Variants in ADCY5 observed in about 807,000 individuals in gnomAD.
ADCY5 encodes the protein adenylate cyclase type 5.
ADCY5 carries 30 observed loss-of-function variants against 119.7 expected under a neutral mutation model. That is an observed-to-expected ratio of 0.25 (90% CI 0.19 to 0.34). The LOEUF (loss-of-function observed/expected upper bound fraction) is 0.34. Among genes scored for constraint, ADCY5 ranks in the 10% least tolerant of loss-of-function variants. The pLI, the probability that ADCY5 is intolerant of heterozygous loss-of-function variation, is 1.00. For missense variants in ADCY5, 1,324 were observed against 1,775.2 expected (o/e 0.75, Z 4.57); for synonymous variants, 753 against 762.2 (o/e 0.99, Z 0.20).
Position 123,328,765 on chromosome 3 carries a change from G to T in ADCY5, c.1684C>A (p.Arg562Ser). 1 of 1,614,232 alleles carries T rather than the reference G, an allele frequency of 6.2e-7. No individual in the cohort carries two copies. The highest frequency in any genetic ancestry group is 8.5e-7 in the Non-Finnish European group (1 of 1,180,042). Reference protein sequence around the residue: ...REVTGVNVNMRVGIHSGRVHC... With the variant: ...REVTGVNVNMSVGIHSGRVHC... ...ACTCGCCCGCTGTGAATTCCCACACGCATGTTCACGTTCACCCCTGTCACC... is the reference window on the plus strand; with the variant it reads ...ACTCGCCCGCTGTGAATTCCCACACTCATGTTCACGTTCACCCCTGTCACC... The change falls in exon 6 of 21, where the codon CGT (arginine) becomes AGT (serine). Residue 562 changes from arginine (R) to serine (S), a missense_variant. Transcript: ENST00000462833.
intron 1 of ADCY5, among the ~76,000 whole-genome samples, chr3:123,421,862 T>C (rs1945310293): frequency 6.6e-6 from 1 of 152,158 alleles, no homozygotes; most frequent in African/African-American, 2.4e-5. Flanking sequence ...ATGAAAAGCC[T>C]GAAACTCACT....
intron 2 of ADCY5, among the ~76,000 whole-genome samples, chr3:123,351,159 G>A (rs1052929098): frequency 9.9e-5 from 15 of 152,118 alleles, no homozygotes; most frequent in Admixed American, 5.9e-4. Flanking sequence ...CCGAGGCAGC[G>A]CTGGAAGGGA....
intron 1 of ADCY5, among the ~76,000 whole-genome samples, chr3:123,398,517 G>A (rs1944666724): frequency 6.6e-6 from 1 of 152,138 alleles, no homozygotes; most frequent in African/African-American, 2.4e-5. Context: ...AGCACGCAGG[G>A]CCACTACCAC....
At chr3:123,388,841 G>T (rs985456478) in intron 1 of ADCY5, among the ~76,000 whole-genome samples, 1 of 152,174 alleles carries the variant, frequency 6.6e-6, no homozygotes, top group African/African-American at 2.4e-5. Flanking sequence ...AGATTGGGGA[G>T]GCACATACGC....
rs73858706 is a variant in ADCY5 at position 123,316,545 on chromosome 3, G to A, written c.2354+1475C>T. Among the ~76,000 whole-genome samples the A allele has an allele frequency of 4.8e-3, 736 of 152,282 alleles. 5 individuals carry two copies. The highest frequency in any genetic ancestry group is 0.016 in the African/African-American group (677 of 41,548). Reference sequence around the variant, plus strand: ...ATGCAGGATGCACAGAATCCCTCTCGGCTACTTTTGTAACTGCTCAAATAC... The same window carrying A: ...ATGCAGGATGCACAGAATCCCTCTCAGCTACTTTTGTAACTGCTCAAATAC... On this transcript the variant is annotated intron_variant, in intron 11 of 20. Transcript: ENST00000462833.
chr3:123,298,830 C>CTTTTTTTTTTTT (rs35856404), intron 15 of ADCY5, among the ~76,000 whole-genome samples: 18 of 102,530 alleles, frequency 1.8e-4, no homozygotes, highest in African/African-American at 4.6e-4. Context: ...AAAACTGTCA[C>CTTTTTTTTTTTT]TTTTTTTTTT....
chr3:123,357,358 G>A (rs1943076751), intron 1 of ADCY5, among the ~76,000 whole-genome samples: 1 of 152,078 alleles, frequency 6.6e-6, no homozygotes, highest in East Asian at 1.9e-4. Context: ...AGAGGCCAGA[G>A]TCTATTTGGA....
chr3:123,422,561 C>T (rs1054183037), intron 1 of ADCY5, among the ~76,000 whole-genome samples: 1 of 152,134 alleles, frequency 6.6e-6, no homozygotes, highest in Admixed American at 6.5e-5. Flanking sequence ...ACTGGAATGC[C>T]CCGGCACCTA....
At chr3:123,430,266 A>G (rs1945496061) in intron 1 of ADCY5, among the ~76,000 whole-genome samples, 1 of 152,206 alleles carries the variant, frequency 6.6e-6, no homozygotes, top group South Asian at 2.1e-4. Context: ...TGTGGGGAAT[A>G]CAGGCCGGAC....
intron 1 of ADCY5, among the ~76,000 whole-genome samples, chr3:123,379,683 G>T (rs945618372): frequency 1.3e-5 from 2 of 151,896 alleles, no homozygotes; most frequent in Non-Finnish European, 2.9e-5. Flanking sequence ...GCGGGGGTGG[G>T]TGTGTGGGTG....
At chr3:123,348,590 G>A (rs1040967231) in intron 2 of ADCY5, among the ~76,000 whole-genome samples, 4 of 152,156 alleles carry the variant, frequency 2.6e-5, no homozygotes, top group Non-Finnish European at 5.9e-5. Context: ...GGGGGACAGT[G>A]GCCCAGGAGA....
intron 1 of ADCY5, among the ~76,000 whole-genome samples, chr3:123,355,651 A>C (rs79729840): frequency 1.3e-5 from 2 of 151,646 alleles, no homozygotes; most frequent in Admixed American, 6.6e-5. Flanking sequence ...AAAAAAAAAA[A>C]CTAACAAAAA....
chr3:123,333,624 C>T (rs981737299), intron 3 of ADCY5, among the ~76,000 whole-genome samples: 3 of 152,248 alleles, frequency 2.0e-5, no homozygotes, highest in African/African-American at 7.2e-5. Flanking sequence ...GGCGTGAGGC[C>T]TGGGTGTGTG....
intron 1 of ADCY5, among the ~76,000 whole-genome samples, chr3:123,381,974 G>C (rs1197763223): frequency 6.6e-6 from 1 of 152,202 alleles, no homozygotes; most frequent in East Asian, 1.9e-4. Context: ...TCCAGCTGGT[G>C]GTGGGCAAGG....
chr3:123,448,570 TTCC>T lies in ADCY5; in HGVS notation c.-28_-26del. 7.9e-7 allele frequency: 1 copy of T among 1,261,536 alleles called. No homozygotes were observed. The highest frequency in any genetic ancestry group is 1.5e-5 in the African/African-American group (1 of 64,630). The allele number at this position is 1,261,536 out of a possible 1,614,324, so 78.1% of individuals were successfully genotyped here. On this transcript the variant is annotated 5_prime_UTR_variant, in exon 1 of 21. Transcript: ENST00000462833. ...TCCCCCCCTCGGCCTCGTCGTCTCC[TTCC>T]TCCTCCCCCGGAAGCCGGGCCGGGG...
chr3:123,303,587 G>A (rs547282375), intron 13 of ADCY5, among the ~76,000 whole-genome samples: 114 of 152,204 alleles, frequency 7.5e-4, no homozygotes, highest in South Asian at 2.7e-3. Flanking sequence ...CGAGGCCCGC[G>A]GATCACTTGA....
intron 8 of ADCY5, among the ~76,000 whole-genome samples, chr3:123,324,999 T>C (rs749005579): frequency 1.2e-4 from 19 of 152,190 alleles, no homozygotes; most frequent in Non-Finnish European, 2.5e-4. Flanking sequence ...AAGAGACAGC[T>C]GGAGGCTGTG....
rs982880044 is a variant in ADCY5 at position 123,288,029 on chromosome 3, C to T, written c.3533-1220G>A. Among the ~76,000 whole-genome samples, 8 of 152,252 alleles carry T rather than the reference C, an allele frequency of 5.3e-5. No homozygotes were observed. In the East Asian group the frequency reaches 1.2e-3, roughly 22 times the overall value. Reference sequence around the variant, plus strand: ...GCAATGTTACACAAGACCAAGAGTGCGTGACGTTAATGCAGAAATGGAGGC... The same window carrying T: ...GCAATGTTACACAAGACCAAGAGTGTGTGACGTTAATGCAGAAATGGAGGC... On this transcript the variant is annotated intron_variant, in intron 19 of 20. Coordinates refer to ENST00000462833, the MANE Select transcript of ADCY5 (RefSeq NM_183357.3).
intron 11 of ADCY5, among the ~76,000 whole-genome samples, chr3:123,315,825 T>C (rs1940888154): frequency 6.6e-6 from 1 of 152,170 alleles, no homozygotes; most frequent in Non-Finnish European, 1.5e-5. Flanking sequence ...CCTCAAGTGA[T>C]CCACCTCCCT....
Sources: allele counts gnomAD v4.1 joint callset (sites outside exome capture counted in the v4.1 genomes callset), GRCh38; gene constraint gnomAD v4.1.1; transcripts MANE v1.5; gene names NCBI Gene and HGNC (gene_info 2026-07-23, HGNC 2026-07-21).